The following MACROD2 variants were observed in gnomAD, a reference collection of about 807,000 sequenced individuals.
MACROD2 encodes the protein mono-ADP ribosylhydrolase 2.
In MACROD2, 36 loss-of-function variants were observed where a neutral mutation model predicts 70.4. The observed-to-expected ratio is 0.51, with a 90% CI of 0.39 to 0.68. The LOEUF is 0.68. MACROD2 is among the 30% of genes least tolerant of loss of function. MACROD2 has a pLI of 0.00. For synonymous variants in MACROD2, 172 were observed against 178.8 expected, an observed-to-expected ratio of 0.96 and a Z score of 0.30; for missense variants, 496 against 538.4, an observed-to-expected ratio of 0.92 and a Z score of 0.78.
rs530805618 is a variant in MACROD2 at position 14,182,707 on chromosome 20, C to CT, written c.271+96981dup. Among the ~76,000 whole-genome samples the CT allele has an allele frequency of 7.6e-3, 1,163 of 152,166 alleles. 4 individuals are homozygous for CT. Among genetic ancestry groups the CT allele is most frequent in the Non-Finnish European group, 0.01 (690 of 67,998 alleles). Reference sequence around the variant, plus strand: ...ACAAATGTTAGTTTTTAAAAATACTCTTAAGTGTGAGATGAAAAAGCACTT... The same window carrying CT: ...ACAAATGTTAGTTTTTAAAAATACTCTTTAAGTGTGAGATGAAAAAGCACTT... On this transcript the variant is annotated intron_variant, in intron 3 of 17. Coordinates refer to ENST00000684519, the MANE Select transcript of MACROD2 (RefSeq NM_001351661.2).
At chr20:14,862,630 A>AATATATATAAAT (rs2073376157) in intron 5 of MACROD2, among the ~76,000 whole-genome samples, 3 of 10,216 alleles carry the variant, frequency 2.9e-4, no homozygotes, top group African/African-American at 8.3e-4. Context: ...TATATATATA[A>AATATATATAAAT]ATATATATAT....
chr20:14,109,077 A>C (rs1448638996), intron 3 of MACROD2, among the ~76,000 whole-genome samples: 1 of 152,110 alleles, frequency 6.6e-6, no homozygotes, highest in Non-Finnish European at 1.5e-5. Flanking sequence ...TTCTCTGAAC[A>C]CAATGGAATA....
chr20:15,587,585 C>G (rs1384709351), intron 8 of MACROD2, among the ~76,000 whole-genome samples: 3 of 152,196 alleles, frequency 2.0e-5, no homozygotes, highest in Non-Finnish European at 2.9e-5. Context: ...AAGCTAATTA[C>G]TTCCTAGATG....
chr20:14,890,989 TCCTCCCTCCCTCCCTC>T (rs71190165), intron 5 of MACROD2, among the ~76,000 whole-genome samples: 91 of 70,010 alleles, frequency 1.3e-3, no homozygotes, highest in South Asian at 2.7e-3. Flanking sequence ...CTTCCTTCCT[TCCTCCCTCCCTCCCTC>T]CCTTCCTACC....
At chr20:15,431,561 T>G in intron 7 of MACROD2, 126 bp downstream of exon 7, 1 of 836,070 alleles carries the variant, frequency 1.2e-6, no homozygotes, top group Non-Finnish European at 1.9e-6. Flanking sequence ...CTAAAAATGC[T>G]CGTCAAATCC....
intron 11 of MACROD2, 75 bp from the exon 12 acceptor site, chr20:15,937,401 G>A (rs1438586359): frequency 2.6e-5 from 34 of 1,318,592 alleles, no homozygotes; most frequent in Non-Finnish European, 3.0e-5. Context: ...GTGGAGGGAG[G>A]TGCAGGGCAG....
intron 8 of MACROD2, among the ~76,000 whole-genome samples, chr20:15,786,051 G>A (rs1222286076): frequency 2.6e-5 from 4 of 151,626 alleles, no homozygotes; most frequent in African/African-American, 7.3e-5. Context: ...AAAAGTAATG[G>A]CATAACATAA....
chr20:14,807,037 T>G (rs995722585), intron 5 of MACROD2, among the ~76,000 whole-genome samples: 3 of 152,098 alleles, frequency 2.0e-5, no homozygotes, highest in African/African-American at 7.2e-5. Context: ...AAACGTTCCT[T>G]CCTGCCTGCT....
chr20:15,679,253 A>AAT (rs2050126115), intron 8 of MACROD2, among the ~76,000 whole-genome samples: 2 of 149,730 alleles, frequency 1.3e-5, no homozygotes, highest in Non-Finnish European at 3.0e-5. Context: ...AAAAAAAAAA[A>AAT]GAGATGCACA....
intron 8 of MACROD2, among the ~76,000 whole-genome samples, chr20:15,606,391 T>C (rs2048893438): frequency 6.6e-6 from 1 of 152,108 alleles, no homozygotes; most frequent in African/African-American, 2.4e-5. Flanking sequence ...GGGATGCTGT[T>C]TTTTTCTTCT....
intron 12 of MACROD2, among the ~76,000 whole-genome samples, chr20:15,952,391 A>ATT (rs10637569): frequency 0.016 from 2,335 of 146,792 alleles, 69 homozygotes; most frequent in African/African-American, 0.054. Flanking sequence ...ATCAGAAACC[A>ATT]TTTTTTTTTT....
intron 4 of MACROD2, among the ~76,000 whole-genome samples, chr20:14,681,615 A>AG (rs1479117710): frequency 6.6e-6 from 1 of 152,152 alleles, no homozygotes; most frequent in East Asian, 1.9e-4. Flanking sequence ...AAAGGGCACA[A>AG]GGTAGCTTTT....
At chr20:14,729,402 T>A (rs2071567428) in intron 5 of MACROD2, among the ~76,000 whole-genome samples, 1 of 152,158 alleles carries the variant, frequency 6.6e-6, no homozygotes, top group African/African-American at 2.4e-5. Context: ...TCAATAACTG[T>A]TTAAGATATA....
At chr20:15,764,241 A>G (rs1054450291) in intron 8 of MACROD2, among the ~76,000 whole-genome samples, 1 of 152,126 alleles carries the variant, frequency 6.6e-6, no homozygotes, top group African/African-American at 2.4e-5. Flanking sequence ...TATGTCTTCT[A>G]TTTTATATTA....
intron 3 of MACROD2, among the ~76,000 whole-genome samples, chr20:14,250,005 T>G (rs2122267093): frequency 6.6e-6 from 1 of 151,932 alleles, no homozygotes; most frequent in East Asian, 1.9e-4. Context: ...GACTCATGGG[T>G]GGGGTGAGGG....
At chr20:15,089,890 C>G (rs1462568789) in intron 5 of MACROD2, among the ~76,000 whole-genome samples, 1 of 152,126 alleles carries the variant, frequency 6.6e-6, no homozygotes, top group African/African-American at 2.4e-5. Context: ...ATAGGAAGTT[C>G]TTGCCTTCAG....
chr20:14,804,739 G>A (rs763308011), intron 5 of MACROD2, among the ~76,000 whole-genome samples: 7 of 152,026 alleles, frequency 4.6e-5, no homozygotes, highest in Non-Finnish European at 1.0e-4. Flanking sequence ...AAAGCCTCCT[G>A]TTGCCGTGGT....
intron 5 of MACROD2, among the ~76,000 whole-genome samples, chr20:14,726,428 G>A (rs1215566877): frequency 6.6e-6 from 1 of 152,142 alleles, no homozygotes; most frequent in Non-Finnish European, 1.5e-5. Flanking sequence ...CAGAACGAAT[G>A]AAGCGATTAG....
intron 8 of MACROD2, among the ~76,000 whole-genome samples, chr20:15,585,713 G>T (rs921523042): frequency 6.6e-6 from 1 of 152,026 alleles, no homozygotes; most frequent in Non-Finnish European, 1.5e-5. Flanking sequence ...TGAATCATCC[G>T]TCTTAATAGC....
Sources: allele counts gnomAD v4.1 joint callset (sites outside exome capture counted in the v4.1 genomes callset), GRCh38; gene constraint gnomAD v4.1.1; transcripts MANE v1.5; gene names NCBI Gene and HGNC (gene_info 2026-07-23, HGNC 2026-07-21).